DMXL2: variants seen among roughly 807,000 people sequenced by gnomAD.
DMXL2 encodes the protein dmX-like protein 2.
Under a neutral mutation model 331.1 loss-of-function variants are expected in DMXL2, and 103 were observed. The ratio of observed to expected loss-of-function variants is 0.31; its 90% CI spans 0.27 to 0.37. The LOEUF is 0.37. Ranked by LOEUF, DMXL2 falls within the 10% of genes least tolerant of loss-of-function variation. The probability of loss-of-function intolerance (pLI) is 1.00; values close to 1 mark genes in which losing one functional copy is unlikely to be tolerated. For missense variants in DMXL2, 3,171 were observed against 3,642.9 expected, an observed-to-expected ratio of 0.87 and a Z score of 3.33; for synonymous variants, 1,281 against 1,252.1, an observed-to-expected ratio of 1.02 and a Z score of -0.49.
intron 13 of DMXL2, among the ~76,000 whole-genome samples, chr15:51,519,633 C>CGTTTTT (rs1567060228): frequency 1.7e-5 from 2 of 118,316 alleles, no homozygotes; most frequent in African/African-American, 6.5e-5. Context: ...GACAAAGTCT[C>CGTTTTT]TTGTTTTTTT....
At chr15:51,514,312 G>T in intron 15 of DMXL2, 130 bp downstream of exon 15, 2 of 579,968 alleles carry the variant, frequency 3.4e-6, no homozygotes, top group Non-Finnish European at 5.9e-6. Context: ...AAGCAATTTT[G>T]ACAGAACTAA....
Position 51,499,377 on chromosome 15 carries a change from T to A in DMXL2, c.3847A>T (p.Thr1283Ser), listed in dbSNP as rs751162658. Reference protein sequence around the residue: ...QWKHAVKFGDTEADSSNAEEA... With the variant: ...QWKHAVKFGDSEADSSNAEEA... Reference sequence around the variant, plus strand: ...TCTGCATTAGAACTATCAGCTTCAGTGTCTCCAAATTTGACAGCATGCTTC... The same window carrying A: ...TCTGCATTAGAACTATCAGCTTCAGAGTCTCCAAATTTGACAGCATGCTTC... The change falls in exon 18 of 44, where the codon ACT becomes TCT. Residue 1283 changes from threonine (T) to serine (S), a missense_variant. Thr to Ser is a moderately conservative substitution (Grantham distance 58). Around this residue, in one of 7 missense-constraint regions of DMXL2, gnomAD observed 1,674 missense variants for 1,780.2 expected, o/e 0.94. Coordinates refer to ENST00000560891, the MANE Select transcript of DMXL2 (RefSeq NM_001378457.1). 1.2e-6 allele frequency: 2 copies of A among 1,613,910 alleles called. No homozygotes were observed. Among genetic ancestry groups the A allele is most frequent in the Admixed American group, 3.3e-5 (2 of 60,018 alleles).
At chr15:51,475,804 A>T (rs1426133690) in intron 27 of DMXL2, among the ~76,000 whole-genome samples, 1 of 152,230 alleles carries the variant, frequency 6.6e-6, no homozygotes, top group Admixed American at 6.5e-5. Flanking sequence ...GGAAACACAC[A>T]TTGAAATGTT....
chr15:51,549,878 A>G (rs1158398689), intron 6 of DMXL2, among the ~76,000 whole-genome samples: 1 of 152,108 alleles, frequency 6.6e-6, no homozygotes, highest in African/African-American at 2.4e-5. Context: ...TCAGATGTAT[A>G]GATCATGAAG....
intron 6 of DMXL2, among the ~76,000 whole-genome samples, chr15:51,557,160 A>T (rs2049649086): frequency 6.6e-6 from 1 of 152,232 alleles, no homozygotes; most frequent in Non-Finnish European, 1.5e-5. Context: ...AATGATCTAC[A>T]GATGAATTAT....
rs747973958 is a variant in DMXL2, at chr15:51,491,560, C to A, written c.4953+18G>T. 6 of 1,576,866 alleles carry A rather than the reference C, an allele frequency of 3.8e-6. No homozygotes were observed. The Admixed American group carries it at 1.0e-4, about 27-fold the overall frequency. ...AGGTTTTTTTAATATAACTCAAAAT[C>A]CACTAAAGAAAAGTTACCTTTTCAA... On this transcript the variant is annotated intron_variant, in intron 20 of 43. Coordinates refer to ENST00000560891, the MANE Select transcript of DMXL2 (RefSeq NM_001378457.1).
intron 1 of DMXL2, among the ~76,000 whole-genome samples, chr15:51,616,671 C>T (rs1454786193): frequency 6.6e-6 from 1 of 152,192 alleles, no homozygotes; most frequent in African/African-American, 2.4e-5. Context: ...GGTGCAGTGG[C>T]TCATGCCTAT....
chr15:51,522,594 A>G (rs2047439959), intron 13 of DMXL2, among the ~76,000 whole-genome samples: 1 of 152,234 alleles, frequency 6.6e-6, no homozygotes, highest in African/African-American at 2.4e-5. Context: ...CAGTGAGCTG[A>G]TATCATGCCA....
At chr15:51,498,430 G>A in intron 18 of DMXL2, 122 bp downstream of exon 18, 1 of 897,580 alleles carries the variant, frequency 1.1e-6, no homozygotes, top group Non-Finnish European at 1.7e-6. Context: ...TACCTATTAA[G>A]GAGGTCTTTT....
chr15:51,568,553 T>C lies in DMXL2; in HGVS notation c.219A>G (p.Ala73=). ...VECSNQQGRI[A]ASYGNAVCIF... is the part of the protein sequence containing the mutation. ...TACAAACAGCATTACCATATGAAGC[T>C]GCAATCTAAAAAAGAATAAATACAG... The change falls in exon 3 of 44, where the codon GCA becomes GCG. Residue 73 remains alanine, a synonymous_variant. Coordinates refer to ENST00000560891, the MANE Select transcript of DMXL2 (RefSeq NM_001378457.1). The C allele has an allele frequency of 6.4e-7, 1 of 1,570,730 alleles. No homozygotes were observed. Among genetic ancestry groups the C allele is most frequent in the Admixed American group, 2.2e-5 (1 of 46,014 alleles).
At chr15:51,517,441 A>G (rs1408539833) in intron 13 of DMXL2, among the ~76,000 whole-genome samples, 2 of 152,244 alleles carry the variant, frequency 1.3e-5, no homozygotes, top group Admixed American at 6.5e-5. Flanking sequence ...CAAGACAGAC[A>G]TGGCTGAAGA....
chr15:51,574,504 C>G (rs1296800540), intron 2 of DMXL2, among the ~76,000 whole-genome samples: 4 of 152,200 alleles, frequency 2.6e-5, no homozygotes, highest in African/African-American at 9.7e-5. Context: ...TATCCAACAT[C>G]TAACATTCTT....
chr15:51,489,687 G>T (rs1415817728), intron 20 of DMXL2, among the ~76,000 whole-genome samples: 1 of 151,376 alleles, frequency 6.6e-6, no homozygotes, highest in Non-Finnish European at 1.5e-5. Flanking sequence ...GAAAGAAAAA[G>T]AAAAAAGAAA....
At chr15:51,455,256 C>T in intron 39 of DMXL2, 28 bp from the exon 40 acceptor site, 3 of 1,577,024 alleles carry the variant, frequency 1.9e-6, no homozygotes, top group Non-Finnish European at 2.6e-6. Context: ...CTACTAAACA[C>T]ATGTTCTTAG....
At chr15:51,451,586 C>A in intron 42 of DMXL2, 59 bp downstream of exon 42, 1 of 1,326,802 alleles carries the variant, frequency 7.5e-7, no homozygotes, top group Non-Finnish European at 1.1e-6. Flanking sequence ...AGAAAGCATT[C>A]CTTCATGGTG....
At chr15:51,591,620 C>A (rs1484458364) in intron 1 of DMXL2, among the ~76,000 whole-genome samples, 1 of 152,214 alleles carries the variant, frequency 6.6e-6, no homozygotes, top group Non-Finnish European at 1.5e-5. Flanking sequence ...TGAGAACGGA[C>A]AGACTGCCTC....
At chr15:51,502,362 G>C (rs1323899581) in intron 17 of DMXL2, among the ~76,000 whole-genome samples, 3 of 144,248 alleles carry the variant, frequency 2.1e-5, no homozygotes, top group Non-Finnish European at 4.5e-5. Flanking sequence ...TGTGTCGCCC[G>C]CCCAGGCTGG....
intron 23 of DMXL2, among the ~76,000 whole-genome samples, chr15:51,485,228 T>C (rs989000185): frequency 1.3e-5 from 2 of 152,170 alleles, no homozygotes; most frequent in Non-Finnish European, 2.9e-5. Context: ...GGGAAAGAGA[T>C]AGGCATCTAG....
intron 13 of DMXL2, among the ~76,000 whole-genome samples, chr15:51,531,458 G>C (rs1236157357): frequency 6.6e-6 from 1 of 152,184 alleles, no homozygotes; most frequent in Non-Finnish European, 1.5e-5. Context: ...AAACTTTCCA[G>C]GACATTGGTC....
Sources: allele counts gnomAD v4.1 joint callset (sites outside exome capture counted in the v4.1 genomes callset), GRCh38; gene constraint gnomAD v4.1.1; regional missense constraint gnomAD v4.1.1; transcripts MANE v1.5; gene names NCBI Gene and HGNC (gene_info 2026-07-23, HGNC 2026-07-21).